Variants in IL21R observed in about 807,000 individuals in gnomAD.
The protein encoded by IL21R is interleukin 21 receptor, also known as interleukin-21 receptor.
IL21R carries 14 observed loss-of-function variants against 41.3 expected under a neutral mutation model. That is an observed-to-expected ratio of 0.34 (90% CI 0.22 to 0.53). The LOEUF (loss-of-function observed/expected upper bound fraction) is 0.53, where lower values mean the gene tolerates loss of function less well. Among genes scored for constraint, IL21R ranks in the 20% least tolerant of loss-of-function variants. The probability of loss-of-function intolerance (pLI) is 0.94; values close to 1 mark genes in which losing one functional copy is unlikely to be tolerated. For synonymous variants in IL21R, 286 were observed against 287.6 expected (o/e 0.99, Z 0.05); for missense variants, 588 against 681.6 (o/e 0.86, Z 1.53).
At chr16:27,410,970 G>A (rs2086813857) in intron 1 of IL21R, among the ~76,000 whole-genome samples, 1 of 152,126 alleles carries the variant, frequency 6.6e-6, no homozygotes, top group African/African-American at 2.4e-5. Flanking sequence ...TCCTCAAGAA[G>A]CATCCATGTC....
chr16:27,436,395 T>C (rs565062803), intron 3 of IL21R, among the ~76,000 whole-genome samples: 20 of 152,212 alleles, frequency 1.3e-4, no homozygotes, highest in Admixed American at 1.1e-3. Context: ...GTTTGAGGAA[T>C]AGGGAGGAGG....
At chr16:27,434,480 G>C in intron 3 of IL21R, 31 bp downstream of exon 3, 1 of 1,428,838 alleles carries the variant, frequency 7.0e-7, no homozygotes, top group Non-Finnish European at 9.8e-7. Context: ...AGTCCCCGGG[G>C]ATGCAATTCA....
chr16:27,431,599 G>C (rs2087172980), intron 2 of IL21R, among the ~76,000 whole-genome samples: 1 of 152,048 alleles, frequency 6.6e-6, no homozygotes, highest in African/African-American at 2.4e-5. Context: ...TGGAGGCTGG[G>C]AAGTCCAAGA....
rs146340627 is a variant in IL21R at position 27,406,676 on chromosome 16, C to T, written c.-17+4058C>T. Among the ~76,000 whole-genome samples the T allele has an allele frequency of 3.3e-3, 496 of 152,024 alleles. 3 individuals carry two copies. Among genetic ancestry groups the T allele is most frequent in the African/African-American group, 0.011 (439 of 41,446 alleles). On this transcript the variant is annotated intron_variant, in intron 1 of 8. Transcript: ENST00000337929. ...GCCTTCAGACACCCATAACCCACCC[C>T]TTGCCACTGGCGAAAAAAAAAAAGA...
At chr16:27,418,347 C>T (rs2086933848) in intron 1 of IL21R, among the ~76,000 whole-genome samples, 2 of 151,448 alleles carry the variant, frequency 1.3e-5, no homozygotes, top group Admixed American at 6.6e-5. Flanking sequence ...GGATTACAGG[C>T]GTAAGCTACC....
Position 27,405,918 on chromosome 16 carries a change from C to T in IL21R, c.-17+3300C>T, listed in dbSNP as rs149537551. 4.8e-3 allele frequency among the ~76,000 whole-genome samples: 733 copies of T among 152,386 alleles called. 3 individuals are homozygous for T. Among genetic ancestry groups the T allele is most frequent in the Non-Finnish European group, 7.4e-3 (501 of 68,034 alleles). The stretch of plus-strand genomic sequence containing the variant: ...CCAGCCTGCTGATCTCTGCAGCCCA[C>T]AGGAAGGATCTGGCCACCCCGACCC... On this transcript the variant is annotated intron_variant, in intron 1 of 8. Transcript: ENST00000337929.
intron 1 of IL21R, among the ~76,000 whole-genome samples, chr16:27,405,191 C>A (rs1425112468): frequency 6.6e-6 from 1 of 152,010 alleles, no homozygotes; most frequent in African/African-American, 2.4e-5. Flanking sequence ...TGCCACCACA[C>A]CTGGCTAATT....
At chr16:27,426,196 T>A (rs1221367985) in intron 1 of IL21R, among the ~76,000 whole-genome samples, 1 of 152,204 alleles carries the variant, frequency 6.6e-6, no homozygotes, top group Non-Finnish European at 1.5e-5. Context: ...ACAAAGCCTA[T>A]AAGTGGCAGA....
chr16:27,404,900 T>C (rs1372266871), intron 1 of IL21R, among the ~76,000 whole-genome samples: 1 of 152,148 alleles, frequency 6.6e-6, no homozygotes, highest in East Asian at 1.9e-4. Flanking sequence ...ATGGAACATC[T>C]ACCATGGCCC....
intron 1 of IL21R, among the ~76,000 whole-genome samples, chr16:27,404,668 T>C (rs1284909901): frequency 6.6e-6 from 1 of 152,108 alleles, no homozygotes; most frequent in African/African-American, 2.4e-5. Context: ...TGCCTGCGGT[T>C]AGATGGGGGA....
At chr16:27,430,159 C>G (rs1431728417) in intron 2 of IL21R, 39 bp downstream of exon 2, 24 of 1,575,476 alleles carry the variant, frequency 1.5e-5, no homozygotes, top group African/African-American at 4.0e-5. Context: ...GGGGAGGGCC[C>G]CCATCACAGA....
At chr16:27,418,126 G>A (rs894461483) in intron 1 of IL21R, among the ~76,000 whole-genome samples, 5 of 151,486 alleles carry the variant, frequency 3.3e-5, no homozygotes, top group Non-Finnish European at 7.4e-5. Flanking sequence ...CTGGAGTGCA[G>A]TGGCGTGATC....
chr16:27,413,046 C>A (rs2086844704), intron 1 of IL21R, among the ~76,000 whole-genome samples: 2 of 152,090 alleles, frequency 1.3e-5, no homozygotes, highest in Admixed American at 6.5e-5. Flanking sequence ...TGTTCCTGAT[C>A]TTAGAGGAAA....
At chr16:27,407,099 G>A (rs948068342) in intron 1 of IL21R, among the ~76,000 whole-genome samples, 1 of 152,222 alleles carries the variant, frequency 6.6e-6, no homozygotes, top group Non-Finnish European at 1.5e-5. Context: ...GAGGAAAGCA[G>A]GACCTCTTAG....
chr16:27,431,154 G>A (rs1196620290), intron 2 of IL21R, among the ~76,000 whole-genome samples: 3 of 152,166 alleles, frequency 2.0e-5, no homozygotes, highest in East Asian at 3.9e-4. Context: ...GCTGACTCAT[G>A]GGCATTTTTC....
intron 1 of IL21R, chr16:27,402,998 CCATTCT>C: frequency 2.4e-6 from 1 of 416,458 alleles, no homozygotes; most frequent in Non-Finnish European, 4.8e-6. Flanking sequence ...CTGATGGGAC[CCATTCT>C]GTGTCAGTTT....
rs888722395 is a variant in IL21R at position 27,451,213 on chromosome 16, G to T, written c.*1930G>T. On this transcript the variant is annotated 3_prime_UTR_variant, in exon 9 of 9. Coordinates refer to ENST00000337929, the MANE Select transcript of IL21R (RefSeq NM_181078.3). ...CCTTCTTGGGGGCAACAGGTTCCAGGAGCCACCTGTGGGTGCCACCTGAGC... is the reference window on the plus strand; with the variant it reads ...CCTTCTTGGGGGCAACAGGTTCCAGTAGCCACCTGTGGGTGCCACCTGAGC... 3.0e-5 allele frequency: 7 copies of T among 231,256 alleles called. No homozygotes were observed. The highest frequency in any genetic ancestry group is 1.3e-4 in the African/African-American group (6 of 45,222). 14.3% of individuals were successfully genotyped at this position (231,256 alleles called of 1,614,324 possible).
At chr16:27,403,768 G>A (rs2086698085) in intron 1 of IL21R, among the ~76,000 whole-genome samples, 1 of 152,166 alleles carries the variant, frequency 6.6e-6, no homozygotes, top group Non-Finnish European at 1.5e-5. Context: ...GAGTGACAGA[G>A]GGGGAGCGAC....
chr16:27,417,152 T>C (rs905494060), intron 1 of IL21R, among the ~76,000 whole-genome samples: 1 of 137,148 alleles, frequency 7.3e-6, no homozygotes, highest in Admixed American at 8.2e-5. Context: ...TTTTTCTTTC[T>C]TTTTTCTTTT....
Sources: gnomAD v4.1 joint callset for allele counts (sites outside exome capture counted in the v4.1 genomes callset) on GRCh38, gnomAD v4.1.1 for gene constraint, MANE v1.5 for transcripts, NCBI Gene and HGNC (gene_info 2026-07-23, HGNC 2026-07-21) for gene names.